The following TC2N variants were observed in gnomAD, a reference collection of about 807,000 sequenced individuals.
TC2N encodes tandem C2 domains nuclear protein.
TC2N carries 51 observed loss-of-function variants against 61.9 expected under a neutral mutation model. That is an observed-to-expected ratio of 0.82 (90% CI 0.66 to 1.04). TC2N has a LOEUF of 1.04. TC2N is among the 50% of genes least tolerant of loss of function. The pLI, the probability that TC2N is intolerant of heterozygous loss-of-function variation, is 0.00. For synonymous variants in TC2N, 204 were observed against 192.6 expected (o/e 1.06, Z -0.49); for missense variants, 556 against 566.7 (o/e 0.98, Z 0.19).
intron 1 of TC2N, among the ~76,000 whole-genome samples, chr14:91,843,615 T>C (rs1888206263): frequency 6.6e-6 from 1 of 152,226 alleles, no homozygotes; most frequent in Non-Finnish European, 1.5e-5. Flanking sequence ...CATTTGTAAC[T>C]TCTGCTTTCA....
rs764754584 is a variant in TC2N, at chr14:91,800,353, G to T, written c.489C>A (p.Asn163Lys). The stretch of plus-strand genomic sequence containing the variant: ...TTAGCCCAGGGGAACCGGGAAGTTT[G>T]TTCGTCCTTAAATCACAAACTACAA... ...LYGSVCDLRTNKLPGSPGLSK... is the reference protein window; with the variant it reads ...LYGSVCDLRTKKLPGSPGLSK... The change falls in exon 5 of 12, where the codon AAC (asparagine) becomes AAA (lysine). Residue 163 changes from asparagine (N) to lysine (K), a missense_variant. Coordinates refer to ENST00000435962, the MANE Select transcript of TC2N (RefSeq NM_001128596.3). 6.2e-7 allele frequency: 1 copy of T among 1,602,640 alleles called. No homozygotes were observed. Among genetic ancestry groups the T allele is most frequent in the Non-Finnish European group, 8.5e-7 (1 of 1,173,368 alleles).
chr14:91,816,674 T>C (rs1171928780), intron 1 of TC2N, among the ~76,000 whole-genome samples: 1 of 151,948 alleles, frequency 6.6e-6, no homozygotes, highest in Non-Finnish European at 1.5e-5. Context: ...TACAGTATTA[T>C]TTTCTATACT....
At chr14:91,785,908 A>C (rs1885343010) in intron 10 of TC2N, among the ~76,000 whole-genome samples, 1 of 152,130 alleles carries the variant, frequency 6.6e-6, no homozygotes, top group South Asian at 2.1e-4. Context: ...GCAGAAAGAA[A>C]CTGGAGGGAA....
intron 1 of TC2N, among the ~76,000 whole-genome samples, chr14:91,832,893 G>A (rs8008883): frequency 0.066 from 10,050 of 152,182 alleles, 999 homozygotes; most frequent in African/African-American, 0.21. Flanking sequence ...GAAATTATGC[G>A]CGGCAATAAA....
chr14:91,789,730 A>G (rs1885555457), intron 9 of TC2N, among the ~76,000 whole-genome samples: 1 of 152,226 alleles, frequency 6.6e-6, no homozygotes, highest in South Asian at 2.1e-4. Flanking sequence ...TCAGATCATG[A>G]AAAACTATTC....
At chr14:91,858,540 T>C (rs1236155958) in intron 1 of TC2N, among the ~76,000 whole-genome samples, 1 of 152,166 alleles carries the variant, frequency 6.6e-6, no homozygotes, top group Non-Finnish European at 1.5e-5. Context: ...CAGTATACTT[T>C]GGGGTAAATG....
At chr14:91,807,830 T>C (rs990957695) in intron 3 of TC2N, among the ~76,000 whole-genome samples, 1 of 152,130 alleles carries the variant, frequency 6.6e-6, no homozygotes, top group African/African-American at 2.4e-5. Context: ...AGGGGCAGAA[T>C]GGTATGGTTT....
At chr14:91,800,493 A>C (rs1339333331) in intron 4 of TC2N, 121 bp from the exon 5 acceptor site, 6 of 472,682 alleles carry the variant, frequency 1.3e-5, no homozygotes, top group Non-Finnish European at 2.2e-5. Flanking sequence ...TACAGAAGAG[A>C]TAAAGCCTTC....
rs944069179 is a variant in TC2N at position 91,780,069 on chromosome 14, T to C, written c.*3031A>G. On this transcript the variant is annotated 3_prime_UTR_variant, in exon 12 of 12. Coordinates refer to ENST00000435962, the MANE Select transcript of TC2N (RefSeq NM_001128596.3). ...AACTGCAAACATTTGAAATTTAATTTTGAATAAAAATTACAGCTTATGCAC... is the reference window on the plus strand; with the variant it reads ...AACTGCAAACATTTGAAATTTAATTCTGAATAAAAATTACAGCTTATGCAC... The C allele has an allele frequency of 2.6e-5, 4 of 152,202 alleles. No individual in the cohort carries two copies. The highest frequency in any genetic ancestry group is 4.8e-5 in the African/African-American group (2 of 41,450). The allele number at this position is 152,202 out of a possible 1,614,324, so 9.4% of individuals were successfully genotyped here. A position where few individuals can be genotyped will look rare whatever the true frequency, so the allele number is the denominator to read the frequency against.
chr14:91,818,802 G>A (rs575787861), intron 1 of TC2N, among the ~76,000 whole-genome samples: 5 of 152,080 alleles, frequency 3.3e-5, no homozygotes, highest in Admixed American at 6.5e-5. Context: ...TAATGAACTT[G>A]AAGGCATAGT....
chr14:91,850,370 AGCATAC>A (rs1888350544), intron 1 of TC2N, among the ~76,000 whole-genome samples: 1 of 152,222 alleles, frequency 6.6e-6, no homozygotes, highest in African/African-American at 2.4e-5. Flanking sequence ...AAAACACAAA[AGCATAC>A]ACTATAAAGC....
chr14:91,796,484 C>T (rs1183871763), intron 8 of TC2N, among the ~76,000 whole-genome samples: 2 of 152,068 alleles, frequency 1.3e-5, no homozygotes, highest in Non-Finnish European at 2.9e-5. Context: ...CCCAGCATCT[C>T]AGAATGTGAA....
At position 91,813,845 on chromosome 14, in the gene TC2N, C is replaced by A. The variant is rs1886887655; in HGVS notation, c.-56-20G>T. ...ATTAATCTGTTGGTAGAATAGAAAA[C>A]AAGTTAACCTGCTTGTCATGCTTAA... On this transcript the variant is annotated intron_variant, in intron 1 of 11. Transcript: ENST00000435962. 1 of 986,000 alleles carries A rather than the reference C, an allele frequency of 1.0e-6. No individual in the cohort carries two copies. The allele number at this position is 986,000 out of a possible 1,614,324, so 61.1% of individuals were successfully genotyped here.
chr14:91,786,558 G>A (rs905642822), intron 10 of TC2N, among the ~76,000 whole-genome samples: 3 of 151,808 alleles, frequency 2.0e-5, no homozygotes, highest in South Asian at 2.1e-4. Context: ...TCTTTTATTC[G>A]GATTTTCTTC....
At chr14:91,783,946 A>T (rs933439451) in intron 11 of TC2N, among the ~76,000 whole-genome samples, 7 of 152,080 alleles carry the variant, frequency 4.6e-5, no homozygotes, top group African/African-American at 1.7e-4. Context: ...TTCTTGGTCT[A>T]AAGAACCTTC....
At chr14:91,865,939 TAA>T (rs1324210439) in intron 1 of TC2N, among the ~76,000 whole-genome samples, 1 of 152,194 alleles carries the variant, frequency 6.6e-6, no homozygotes, top group Non-Finnish European at 1.5e-5. Context: ...TTAAAGTTAT[TAA>T]AAAGTTATTA....
intron 3 of TC2N, among the ~76,000 whole-genome samples, chr14:91,802,929 G>A (rs1175606735): frequency 2.0e-5 from 3 of 151,800 alleles, no homozygotes; most frequent in African/African-American, 7.3e-5. Context: ...TATTTATATG[G>A]AAACACTAAA....
intron 8 of TC2N, 40 bp from the exon 9 acceptor site, chr14:91,792,598 A>C: frequency 2.0e-6 from 2 of 1,022,390 alleles, no homozygotes; most frequent in Non-Finnish European, 2.8e-6. Context: ...ATATAAATAA[A>C]AGGCTTATAT....
At chr14:91,800,215 A>G in intron 5 of TC2N, 66 bp downstream of exon 5, 1 of 946,948 alleles carries the variant, frequency 1.1e-6, no homozygotes, top group Non-Finnish European at 1.6e-6. Context: ...TGTAATTCAT[A>G]CATTTCTGAA....
Sources: gnomAD v4.1 joint callset for allele counts (sites outside exome capture counted in the v4.1 genomes callset) on GRCh38, gnomAD v4.1.1 for gene constraint, MANE v1.5 for transcripts, NCBI Gene and HGNC (gene_info 2026-07-23, HGNC 2026-07-21) for gene names.